The following CFAP20DC variants were observed in gnomAD, a reference collection of about 807,000 sequenced individuals.
CFAP20DC encodes the protein CFAP20 domain containing.
CFAP20DC carries 84 observed loss-of-function variants against 101.7 expected under a neutral mutation model. The observed-to-expected ratio is 0.83, with a 90% CI of 0.69 to 0.99. The LOEUF (loss-of-function observed/expected upper bound fraction) is 0.99, where lower values mean the gene tolerates loss of function less well. Among genes scored for constraint, CFAP20DC ranks in the 50% least tolerant of loss-of-function variants. The probability of loss-of-function intolerance (pLI) is 0.00; values close to 1 mark genes in which losing one functional copy is unlikely to be tolerated. For missense variants in CFAP20DC, 1,007 were observed against 970.3 expected (o/e 1.04, Z -0.50); for synonymous variants, 359 against 351.2 (o/e 1.02, Z -0.25).
At chr3:58,973,460 C>T (rs1008660629) in intron 4 of CFAP20DC, among the ~76,000 whole-genome samples, 3 of 152,208 alleles carry the variant, frequency 2.0e-5, no homozygotes, top group Admixed American at 6.5e-5. Flanking sequence ...AGCTGGTCTC[C>T]CTGCTTCCAT....
chr3:58,981,292 T>G (rs2092532285), intron 4 of CFAP20DC, among the ~76,000 whole-genome samples: 1 of 152,114 alleles, frequency 6.6e-6, no homozygotes, highest in South Asian at 2.1e-4. Flanking sequence ...CAAGGTAATT[T>G]ATAGATTCAA....
Position 58,806,463 on chromosome 3 carries a change from A to G in CFAP20DC, c.2176-7T>C. On this transcript the variant is annotated splice_polypyrimidine_tract_variant and splice_region_variant and intron_variant, in intron 14 of 16. Coordinates refer to ENST00000482387, the MANE Select transcript of CFAP20DC (RefSeq NM_001394063.1). ...GGCGACCCTGGTTGACAGGCTGGAA[A>G]AGACAAAACATTTGTGAATGTTTAA... 6.2e-7 allele frequency: 1 copy of G among 1,606,896 alleles called. No individual in the cohort carries two copies. Among genetic ancestry groups the G allele is most frequent in the East Asian group, 2.2e-5 (1 of 44,844 alleles).
At chr3:58,833,036 T>C (rs1179982431) in intron 13 of CFAP20DC, among the ~76,000 whole-genome samples, 1 of 152,208 alleles carries the variant, frequency 6.6e-6, no homozygotes, top group East Asian at 1.9e-4. Context: ...TACACTTTCT[T>C]GGAGGACTCT....
intron 6 of CFAP20DC, among the ~76,000 whole-genome samples, chr3:58,909,912 G>A (rs911414141): frequency 3.9e-5 from 6 of 152,066 alleles, no homozygotes. Flanking sequence ...AGGCCCCAGT[G>A]TGTGTTGTTC....
intron 2 of CFAP20DC, 150 bp downstream of exon 2, chr3:59,047,015 C>G: frequency 1.6e-6 from 1 of 609,358 alleles, no homozygotes; most frequent in Non-Finnish European, 2.9e-6. Flanking sequence ...AGAGTGGTGT[C>G]CAGGACAGCT....
At chr3:58,953,910 T>C (rs2090387637) in intron 4 of CFAP20DC, 1 of 152,164 alleles carries the variant, frequency 6.6e-6, no homozygotes, top group Non-Finnish European at 1.5e-5. Flanking sequence ...TATGAGTTAA[T>C]ACATTGTTAC....
chr3:58,855,690 A>G (rs2078719046), intron 12 of CFAP20DC, among the ~76,000 whole-genome samples: 1 of 152,070 alleles, frequency 6.6e-6, no homozygotes, highest in Admixed American at 6.5e-5. Context: ...TTGTAGGGAC[A>G]TGGATGAAAT....
At chr3:58,844,037 C>G (rs1356061047) in intron 13 of CFAP20DC, among the ~76,000 whole-genome samples, 2 of 96,132 alleles carry the variant, frequency 2.1e-5, no homozygotes, top group African/African-American at 4.3e-5. Flanking sequence ...AAGGAACAAC[C>G]GGTACCAGCC....
intron 15 of CFAP20DC, among the ~76,000 whole-genome samples, chr3:58,798,376 C>A (rs1481431903): frequency 6.6e-6 from 1 of 152,130 alleles, no homozygotes; most frequent in Non-Finnish European, 1.5e-5. Context: ...GTGGAAATAG[C>A]AAGAGAACTA....
chr3:58,913,746 G>A lies in CFAP20DC; in HGVS notation c.512C>T (p.Thr171Ile). 4 of 1,613,692 alleles carry A rather than the reference G, an allele frequency of 2.5e-6. No homozygotes were observed. The highest frequency in any genetic ancestry group is 8.5e-7 in the Non-Finnish European group (1 of 1,179,796). The change falls in exon 6 of 17, where the codon ACC (threonine) becomes ATC (isoleucine). Residue 171 changes from threonine to isoleucine, a missense_variant. Transcript: ENST00000482387. This position sits in a 1 kb window ranked among gnomAD's most constrained non-coding sequence, Gnocchi z 4.4. ...AGTGTCTTGTGGCTTTGATTTTAAG[G>A]TGAAGATCTTCCGTAGCTTACAGTT... ...SANCKLRKIF[T>I]LKSKPQDTAD...
At chr3:59,028,353 T>A (rs1320698114) in intron 4 of CFAP20DC, among the ~76,000 whole-genome samples, 1 of 152,224 alleles carries the variant, frequency 6.6e-6, no homozygotes, top group African/African-American at 2.4e-5. Context: ...GTCCTTCCTT[T>A]AATTCGCAGG....
At chr3:58,930,944 G>A (rs537769742) in intron 5 of CFAP20DC, among the ~76,000 whole-genome samples, 6 of 152,308 alleles carry the variant, frequency 3.9e-5, no homozygotes, top group Middle Eastern at 3.4e-3. Flanking sequence ...AGCGCACTGT[G>A]AGCGAGCCGA....
intron 4 of CFAP20DC, among the ~76,000 whole-genome samples, chr3:59,034,474 G>C (rs1401527435): frequency 2.0e-5 from 3 of 152,104 alleles, no homozygotes; most frequent in African/African-American, 7.2e-5. Flanking sequence ...GACACACATA[G>C]GCTCAAAATA....
rs555503215 is a variant in CFAP20DC at position 58,937,525 on chromosome 3, A to C, written c.393+123T>G. 8.3e-5 allele frequency: 55 copies of C among 661,974 alleles called. No individual in the cohort carries two copies. The Middle Eastern group carries it at 1.2e-3, about 14-fold the overall frequency. The allele number at this position is 661,974 out of a possible 1,614,324, so 41.0% of individuals were successfully genotyped here. ...TCAAGAGAGGGGAAGGAAGGCCATG[A>C]ATTTTATTCATTTTTTATACCACCA... On this transcript the variant is annotated intron_variant, in intron 5 of 16. Coordinates refer to ENST00000482387, the MANE Select transcript of CFAP20DC (RefSeq NM_001394063.1).
Position 58,924,333 on chromosome 3 carries a change from T to C in CFAP20DC, c.394-10469A>G, listed in dbSNP as rs569380372. On this transcript the variant is annotated intron_variant, in intron 5 of 16. Coordinates refer to ENST00000482387, the MANE Select transcript of CFAP20DC (RefSeq NM_001394063.1). The stretch of plus-strand genomic sequence containing the variant: ...CCCATTTATGAGTAAGAATGCATGG[T>C]ATTTGATTTTCTGAGTTATTTTGTT... 7.2e-5 allele frequency among the ~76,000 whole-genome samples: 11 copies of C among 152,220 alleles called. 1 individual carries two copies. The South Asian group carries it at 2.1e-3, about 29-fold the overall frequency.
downstream of CFAP20DC, among the ~76,000 whole-genome samples, chr3:58,738,153 A>G (rs945754427): frequency 2.6e-5 from 4 of 152,172 alleles, no homozygotes; most frequent in Non-Finnish European, 5.9e-5. This position sits in a 1 kb window ranked among gnomAD's most constrained non-coding sequence, Gnocchi z 4.4. Flanking sequence ...TGATAAAACC[A>G]TATGTGAACA....
intron 13 of CFAP20DC, among the ~76,000 whole-genome samples, chr3:58,842,451 T>A (rs1398075770): frequency 6.6e-6 from 1 of 152,088 alleles, no homozygotes; most frequent in Non-Finnish European, 1.5e-5. Flanking sequence ...ATTGCGCTTT[T>A]CAGACCGGCT....
chr3:58,963,417 C>T (rs2091310936), intron 4 of CFAP20DC, among the ~76,000 whole-genome samples: 1 of 151,954 alleles, frequency 6.6e-6, no homozygotes, highest in Non-Finnish European at 1.5e-5. Context: ...GTCTTATTTT[C>T]CAGTCTTTTG....
chr3:58,863,929 A>T lies in CFAP20DC; in HGVS notation c.1259-37T>A, dbSNP rs754799795. The T allele has an allele frequency of 6.4e-7, 1 of 1,556,072 alleles. No homozygotes were observed. The highest frequency in any genetic ancestry group is 8.7e-7 in the Non-Finnish European group (1 of 1,153,086). ...AAAAGATGACAAAAATTAGAGCAGT[A>T]ATCCATAAAAGTGTTATTTTTATTT... On this transcript the variant is annotated intron_variant, in intron 11 of 16. Coordinates refer to ENST00000482387, the MANE Select transcript of CFAP20DC (RefSeq NM_001394063.1). The surrounding 1 kb of genome is among the most constrained non-coding windows in gnomAD (Gnocchi z 5.9).
Sources: allele counts gnomAD v4.1 joint callset (sites outside exome capture counted in the v4.1 genomes callset), GRCh38; gene constraint gnomAD v4.1.1; non-coding constraint Gnocchi (gnomAD v3.1); transcripts MANE v1.5; gene names NCBI Gene and HGNC (gene_info 2026-07-23, HGNC 2026-07-21).